KAZN: variants seen among roughly 807,000 people sequenced by gnomAD.
KAZN encodes the protein kazrin.
A neutral mutation model predicts 87.4 loss-of-function variants in KAZN; 40 were observed. The ratio of observed to expected loss-of-function variants is 0.46; its 90% CI spans 0.36 to 0.60. The LOEUF is 0.60. Ranked by LOEUF, KAZN falls within the 20% of genes least tolerant of loss-of-function variation. KAZN has a pLI of 0.00. For synonymous variants in KAZN, 466 were observed against 458.3 expected, an observed-to-expected ratio of 1.02 and a Z score of -0.22; for missense variants, 898 against 1,073.9, an observed-to-expected ratio of 0.84 and a Z score of 2.29.
chr1:14,580,378 G>T (rs1163019682), intron 2 of KAZN, among the ~76,000 whole-genome samples: 1 of 152,134 alleles, frequency 6.6e-6, no homozygotes, highest in African/African-American at 2.4e-5. Flanking sequence ...GGAAGGCTGA[G>T]GCAGGAGAAT....
At chr1:14,129,841 A>C (rs543182063) in intron 1 of KAZN, among the ~76,000 whole-genome samples, 27 of 152,338 alleles carry the variant, frequency 1.8e-4, no homozygotes, top group African/African-American at 6.5e-4. Context: ...TTACTGAAAC[A>C]CTGGTATTTG....
chr1:13,934,073 T>C (rs1042300190), intron 1 of KAZN, among the ~76,000 whole-genome samples: 3 of 152,212 alleles, frequency 2.0e-5, no homozygotes, highest in Admixed American at 2.0e-4. Flanking sequence ...ACCAGTCCTT[T>C]TAAATAACAT....
intron 1 of KAZN, among the ~76,000 whole-genome samples, chr1:13,932,365 A>C (rs1173051612): frequency 7.0e-6 from 1 of 143,136 alleles, no homozygotes; most frequent in East Asian, 2.1e-4. Context: ...GGTTCATGCC[A>C]TTCTCCTGCC....
chr1:14,352,394 CCT>C (rs1414931598), intron 2 of KAZN, among the ~76,000 whole-genome samples: 2 of 152,016 alleles, frequency 1.3e-5, no homozygotes, highest in East Asian at 3.9e-4. Flanking sequence ...TATGGTCTTC[CCT>C]GAGTCCAGCT....
chr1:14,062,662 C>T (rs545109192), intron 1 of KAZN, among the ~76,000 whole-genome samples: 1 of 152,184 alleles, frequency 6.6e-6, no homozygotes, highest in South Asian at 2.1e-4. Context: ...GTAGATACAA[C>T]CTCTCTGCTG....
In KAZN at chr1:15,086,032, G is replaced by A. The variant is rs570379145; in HGVS notation, c.1223-8148G>A. 2.0e-5 allele frequency among the ~76,000 whole-genome samples: 3 copies of A among 152,122 alleles called. No homozygotes were observed. In the South Asian group the frequency reaches 6.2e-4, roughly 32 times the overall value. ...GTTGCCCAGGCTGGAGTGCAGTGGTGCGATCTCGGCTCACTGCAACCTCTG... is the reference window on the plus strand; with the variant it reads ...GTTGCCCAGGCTGGAGTGCAGTGGTACGATCTCGGCTCACTGCAACCTCTG... On this transcript the variant is annotated intron_variant, in intron 8 of 14. Coordinates refer to ENST00000376030, the MANE Select transcript of KAZN (RefSeq NM_201628.3).
intron 10 of KAZN, among the ~76,000 whole-genome samples, chr1:15,098,035 C>T (rs867028738): frequency 1.3e-5 from 2 of 152,096 alleles, no homozygotes; most frequent in Non-Finnish European, 2.9e-5. Context: ...TCTTTTAGTC[C>T]CTACAACTCC....
At chr1:14,740,052 A>C (rs1287373773) in intron 1 of KAZN, among the ~76,000 whole-genome samples, 1 of 152,200 alleles carries the variant, frequency 6.6e-6, no homozygotes. Flanking sequence ...ATACATCTGC[A>C]GTCAACAAGG....
At chr1:13,926,946 ATG>A (rs1640303378) in intron 1 of KAZN, among the ~76,000 whole-genome samples, 1 of 152,176 alleles carries the variant, frequency 6.6e-6, no homozygotes, top group Non-Finnish European at 1.5e-5. Context: ...CTGCAAAAAT[ATG>A]TGTTTTAAAT....
At chr1:14,256,124 C>A (rs1650491883) in intron 2 of KAZN, among the ~76,000 whole-genome samples, 1 of 152,092 alleles carries the variant, frequency 6.6e-6, no homozygotes, top group South Asian at 2.1e-4. Context: ...ATATCAAAAC[C>A]TATTACTAAG....
intron 1 of KAZN, among the ~76,000 whole-genome samples, chr1:14,083,867 C>T (rs1643767681): frequency 6.6e-6 from 1 of 152,170 alleles, no homozygotes; most frequent in Non-Finnish European, 1.5e-5. Flanking sequence ...TTAATCCTCC[C>T]ACACTTTCTT....
intron 2 of KAZN, among the ~76,000 whole-genome samples, chr1:14,993,761 C>G (rs1299078567): frequency 1.3e-5 from 2 of 152,152 alleles, no homozygotes; most frequent in Non-Finnish European, 2.9e-5. Flanking sequence ...TTCGTTGAGT[C>G]TTATGAGAGA....
At chr1:14,125,885 G>C (rs4662111) in intron 1 of KAZN, among the ~76,000 whole-genome samples, 85,608 of 150,072 alleles carry the variant, frequency 0.57, 25,631 homozygotes, top group East Asian at 0.74. Context: ...ACAAAGATCA[G>C]GGCAGGATTG....
chr1:14,404,208 G>T (rs1231498039), intron 2 of KAZN, among the ~76,000 whole-genome samples: 1 of 152,058 alleles, frequency 6.6e-6, no homozygotes, highest in East Asian at 1.9e-4. Flanking sequence ...CTGTACCCAT[G>T]GTGACAAAGA....
At chr1:14,419,612 A>C (rs1032561449) in intron 2 of KAZN, among the ~76,000 whole-genome samples, 7 of 152,166 alleles carry the variant, frequency 4.6e-5, no homozygotes. Context: ...ACAGTTCTTA[A>C]AGGTAGTGTG....
intron 1 of KAZN, among the ~76,000 whole-genome samples, chr1:14,045,836 T>G (rs1369248818): frequency 6.6e-6 from 1 of 152,208 alleles, no homozygotes; most frequent in Non-Finnish European, 1.5e-5. Context: ...ATGGTAAACA[T>G]TCCACAATGG....
At chr1:14,726,093 G>T (rs970028443) in intron 1 of KAZN, among the ~76,000 whole-genome samples, 2 of 152,218 alleles carry the variant, frequency 1.3e-5, no homozygotes, top group African/African-American at 4.8e-5. Context: ...CCTGATGCCA[G>T]CCTCACCTCA....
intron 2 of KAZN, among the ~76,000 whole-genome samples, chr1:15,024,265 C>T (rs1670965446): frequency 6.6e-6 from 1 of 152,144 alleles, no homozygotes; most frequent in Non-Finnish European, 1.5e-5. Flanking sequence ...ACCTGCATCG[C>T]CTGCTGGAGG....
At position 15,052,367 on chromosome 1, in the gene KAZN, C is replaced by G. The variant is rs138515688; in HGVS notation, c.727-3724C>G. ...GCAGGGGAACTGCCTTTTATAAAACCGTCAGATCTCAGGAGACTTATTCAC... is the reference window on the plus strand; with the variant it reads ...GCAGGGGAACTGCCTTTTATAAAACGGTCAGATCTCAGGAGACTTATTCAC... On this transcript the variant is annotated intron_variant, in intron 4 of 14. Coordinates refer to ENST00000376030, the MANE Select transcript of KAZN (RefSeq NM_201628.3). 9.4e-4 allele frequency among the ~76,000 whole-genome samples: 143 copies of G among 152,210 alleles called. 1 individual carries two copies. In the Middle Eastern group the frequency reaches 0.02, roughly 22 times the overall value.
Sources: allele counts gnomAD v4.1 joint callset (sites outside exome capture counted in the v4.1 genomes callset), GRCh38; gene constraint gnomAD v4.1.1; transcripts MANE v1.5; gene names NCBI Gene and HGNC (gene_info 2026-07-23, HGNC 2026-07-21).